VCL: variants seen among roughly 807,000 people sequenced by gnomAD.
VCL encodes vinculin.
In VCL, 47 loss-of-function variants were observed where a neutral mutation model predicts 125.7. The observed-to-expected ratio is 0.37, with a 90% CI of 0.30 to 0.48. VCL has a LOEUF of 0.48. Among genes scored for constraint, VCL ranks in the 20% least tolerant of loss-of-function variants. The pLI is 0.99. For missense variants in VCL, 1,069 were observed against 1,455.5 expected (o/e 0.73, Z 4.32); for synonymous variants, 458 against 514.6 (o/e 0.89, Z 1.49).
At chr10:74,018,801 C>G (rs556473945) in intron 1 of VCL, among the ~76,000 whole-genome samples, 1 of 152,238 alleles carries the variant, frequency 6.6e-6, no homozygotes, top group Admixed American at 6.5e-5. Flanking sequence ...CTCCAGCCAC[C>G]CAGTTTCCCT....
intron 16 of VCL, 36 bp from the exon 17 acceptor site, chr10:74,107,193 AC>A: frequency 6.2e-7 from 1 of 1,613,990 alleles, no homozygotes; most frequent in Non-Finnish European, 8.5e-7. Context: ...TGGGGCACTG[AC>A]CCACCCAGCT....
At chr10:74,099,979 G>A (rs927763840) in intron 13 of VCL, among the ~76,000 whole-genome samples, 1 of 152,204 alleles carries the variant, frequency 6.6e-6, no homozygotes, top group African/African-American at 2.4e-5. Flanking sequence ...TCTAGAGCCA[G>A]AACTGATCTC....
At chr10:73,998,786 C>T (rs904541642) in intron 1 of VCL, among the ~76,000 whole-genome samples, 1 of 152,224 alleles carries the variant, frequency 6.6e-6, no homozygotes, top group African/African-American at 2.4e-5. Context: ...TTTTAGGCCT[C>T]CTCGATCTGG....
intron 5 of VCL, 33 bp from the exon 6 acceptor site, chr10:74,074,710 C>G: frequency 6.2e-7 from 1 of 1,607,248 alleles, no homozygotes; most frequent in Non-Finnish European, 8.5e-7. Context: ...AGATTAAATT[C>G]CAAGCTTACT....
At chr10:74,055,199 C>T (rs11000862) in intron 2 of VCL, among the ~76,000 whole-genome samples, 4,297 of 152,014 alleles carry the variant, frequency 0.028, 209 homozygotes, top group African/African-American at 0.098. Flanking sequence ...ACTTGGGAGG[C>T]TGAGGTGGGA....
At chr10:74,089,064 T>C in intron 8 of VCL, 132 bp from the exon 9 acceptor site, 1 of 1,320,088 alleles carries the variant, frequency 7.6e-7, no homozygotes, top group Non-Finnish European at 1.1e-6. Context: ...TTTCTTGTGC[T>C]GTCCCAGATT....
intron 2 of VCL, among the ~76,000 whole-genome samples, chr10:74,047,129 C>T (rs1012473070): frequency 6.6e-6 from 1 of 151,984 alleles, no homozygotes; most frequent in Non-Finnish European, 1.5e-5. Context: ...GAAGACATGA[C>T]AGAATTAAAA....
chr10:74,090,811 A>AT (rs1483482560), intron 10 of VCL, among the ~76,000 whole-genome samples: 3 of 143,980 alleles, frequency 2.1e-5, no homozygotes, highest in South Asian at 2.2e-4. Flanking sequence ...TTTTATTTTT[A>AT]TTTTTTTGAG....
At position 74,105,123 on chromosome 10, in the gene VCL, A is replaced by G. The variant is rs1426976613; in HGVS notation, c.2204A>G (p.Asp735Gly). The G allele has an allele frequency of 2.5e-6, 4 of 1,614,090 alleles. No individual in the cohort carries two copies. In the African/African-American group the frequency reaches 5.3e-5, roughly 22 times the overall value. ...GAAGAAGCAATTAAAAAAGACCTGG[A>G]CAAGTGCAAGGTAGCTATGGCCAAC... ...ASEEAIKKDL[D>G]KCKVAMANIQ... The change falls in exon 16 of 22, where the codon GAC becomes GGC. Residue 735 changes from aspartate to glycine, a missense_variant. By Grantham distance (94) the Asp-to-Gly change is moderately conservative (BLOSUM62 -1). Around this residue, in one of 6 missense-constraint regions of VCL, gnomAD observed 760 missense variants for 928.9 expected, o/e 0.82. Coordinates refer to ENST00000211998, the MANE Select transcript of VCL (RefSeq NM_014000.3).
chr10:74,065,583 T>C (rs1841556583), intron 2 of VCL, among the ~76,000 whole-genome samples: 1 of 151,550 alleles, frequency 6.6e-6, no homozygotes, highest in African/African-American at 2.4e-5. Context: ...CCCAGCTACT[T>C]GAGAGGCTGA....
chr10:74,038,993 C>A (rs984851724), intron 1 of VCL, among the ~76,000 whole-genome samples: 1 of 152,058 alleles, frequency 6.6e-6, no homozygotes, highest in Non-Finnish European at 1.5e-5. Flanking sequence ...CTCACTGCAA[C>A]CTCCGCCTCC....
intron 13 of VCL, among the ~76,000 whole-genome samples, chr10:74,099,791 G>T (rs74146326): frequency 0.047 from 7,174 of 152,244 alleles, 511 homozygotes; most frequent in African/African-American, 0.16. Flanking sequence ...CTGAGGCCAC[G>T]GGAAGGAGGC....
chr10:74,038,197 A>G (rs929265556), intron 1 of VCL, among the ~76,000 whole-genome samples: 2 of 152,006 alleles, frequency 1.3e-5, no homozygotes, highest in Non-Finnish European at 2.9e-5. Flanking sequence ...GGGTTTCGCC[A>G]TGTTGGCCAG....
At chr10:74,018,090 G>A (rs1337649602) in intron 1 of VCL, among the ~76,000 whole-genome samples, 2 of 147,804 alleles carry the variant, frequency 1.4e-5, no homozygotes, top group South Asian at 2.1e-4. Context: ...GCTGGAGATC[G>A]TGCCACTGCC....
intron 2 of VCL, among the ~76,000 whole-genome samples, chr10:74,066,458 A>C (rs1841572475): frequency 1.3e-5 from 2 of 152,198 alleles, no homozygotes; most frequent in South Asian, 2.1e-4. Flanking sequence ...ACAGTCACAG[A>C]AGCATGCATA....
intron 18 of VCL, 90 bp from the exon 19 acceptor site, chr10:74,111,819 G>C: frequency 1.3e-6 from 2 of 1,520,622 alleles, no homozygotes; most frequent in Non-Finnish European, 1.8e-6. Flanking sequence ...GCAGGCTTTG[G>C]TTACTAAACC....
chr10:74,077,271 A>C (rs1839602331), intron 6 of VCL: 1 of 152,696 alleles, frequency 6.5e-6, no homozygotes, highest in Admixed American at 6.5e-5. Context: ...TAACCTAATG[A>C]CATCAGAATA....
chr10:74,084,850 G>A (rs1317608380), intron 8 of VCL, among the ~76,000 whole-genome samples: 1 of 152,018 alleles, frequency 6.6e-6, no homozygotes, highest in Non-Finnish European at 1.5e-5. Context: ...GGCCTCAGGT[G>A]ATCCACCTGC....
intron 16 of VCL, among the ~76,000 whole-genome samples, chr10:74,106,158 T>C (rs923031987): frequency 1.4e-5 from 2 of 146,554 alleles, no homozygotes; most frequent in East Asian, 2.1e-4. Flanking sequence ...CAGACCTCAG[T>C]TGATCCACCC....
Sources: gnomAD v4.1 joint callset for allele counts (sites outside exome capture counted in the v4.1 genomes callset) on GRCh38, gnomAD v4.1.1 for gene constraint, gnomAD v4.1.1 regional missense constraint, MANE v1.5 for transcripts, NCBI Gene and HGNC (gene_info 2026-07-23, HGNC 2026-07-21) for gene names.